Variants in C5orf63 observed in about 807,000 individuals in gnomAD.
C5orf63 encodes chromosome 5 open reading frame 63.
A neutral mutation model predicts 13.3 loss-of-function variants in C5orf63; 18 were observed. That is an observed-to-expected ratio of 1.36 (90% CI 0.94 to 2.01). C5orf63 has a LOEUF of 2.01. Ranked by LOEUF, C5orf63 falls within the 30% of genes most tolerant of loss-of-function variation. The pLI is 0.00. For missense variants in C5orf63, 118 were observed against 127.7 expected, an observed-to-expected ratio of 0.92 and a Z score of 0.36; for synonymous variants, 38 against 44.7, an observed-to-expected ratio of 0.85 and a Z score of 0.60.
chr5:127,069,452 AACCATCC>A (rs1326226959), intron 2 of C5orf63, among the ~76,000 whole-genome samples: 1 of 152,198 alleles, frequency 6.6e-6, no homozygotes, highest in Non-Finnish European at 1.5e-5. Flanking sequence ...GCAATTCAAA[AACCATCC>A]ACCCAGGCAA....
At chr5:127,052,472 ACT>A (rs1037679481) in intron 4 of C5orf63, 139 bp downstream of exon 4, 6 of 576,824 alleles carry the variant, frequency 1.0e-5, no homozygotes, top group Non-Finnish European at 1.6e-5. Context: ...TAAGCACTAA[ACT>A]CTCTCTCTGA....
At chr5:127,070,307 A>T (rs777427168) in intron 2 of C5orf63, among the ~76,000 whole-genome samples, 1 of 152,274 alleles carries the variant, frequency 6.6e-6, no homozygotes, top group South Asian at 2.1e-4. Context: ...AAAGAGTTTT[A>T]AAAAAATCAA....
Position 127,051,623 on chromosome 5 carries a change from A to G in C5orf63, c.*148T>C. 7.8e-7 allele frequency: 1 copy of G among 1,287,620 alleles called. No individual in the cohort carries two copies. The highest frequency in any genetic ancestry group is 9.8e-7 in the Non-Finnish European group (1 of 1,019,280). 79.8% of individuals were successfully genotyped at this position (1,287,620 alleles called of 1,614,324 possible). On this transcript the variant is annotated 3_prime_UTR_variant, in exon 5 of 5. Transcript: ENST00000296662. ...CCACACTGATACTTCCATCAACCAA[A>G]AGGGGAATGTCAACATTTATTTGGC...
chr5:127,048,541 A>G (rs1036484461), downstream of C5orf63, among the ~76,000 whole-genome samples: 1 of 151,880 alleles, frequency 6.6e-6, no homozygotes, highest in East Asian at 1.9e-4. Context: ...TTATTTTTAA[A>G]AAACTCCTCC....
At chr5:127,053,030 C>T (rs887092133) in intron 3 of C5orf63, among the ~76,000 whole-genome samples, 1 of 152,152 alleles carries the variant, frequency 6.6e-6, no homozygotes, top group African/African-American at 2.4e-5. Context: ...ATACAGTTGG[C>T]CTGGCTGACA....
intron 2 of C5orf63, among the ~76,000 whole-genome samples, chr5:127,062,524 G>A (rs1295125279): frequency 4.9e-4 from 74 of 152,110 alleles, no homozygotes. Flanking sequence ...TAGGCAGATA[G>A]TATGCTAAAA....
intron 3 of C5orf63, among the ~76,000 whole-genome samples, 175 bp from the exon 4 acceptor site, chr5:127,052,844 T>C (rs1192383817): frequency 1.3e-5 from 2 of 152,262 alleles, no homozygotes; most frequent in Non-Finnish European, 2.9e-5. Context: ...TAGAATCTTA[T>C]AAATAACTAA....
chr5:127,056,063 C>T (rs145478096), intron 3 of C5orf63, among the ~76,000 whole-genome samples: 8 of 152,288 alleles, frequency 5.3e-5, no homozygotes, highest in African/African-American at 1.9e-4. Flanking sequence ...TGGCTGTCCA[C>T]CACCCACTTC....
exon 5 of C5orf63, chr5:127,046,245 C>T (rs750271371): frequency 6.6e-6 from 1 of 152,188 alleles, no homozygotes; most frequent in Non-Finnish European, 1.5e-5. Flanking sequence ...CATTCTCTGC[C>T]TCAGGGAATA....
chr5:127,057,900 A>G (rs1300766187), intron 3 of C5orf63, among the ~76,000 whole-genome samples: 1 of 152,230 alleles, frequency 6.6e-6, no homozygotes, highest in Non-Finnish European at 1.5e-5. Context: ...CCTAAGCACA[A>G]GAAGACTGTG....
intron 2 of C5orf63, among the ~76,000 whole-genome samples, chr5:127,069,479 T>C (rs938110221): frequency 9.2e-5 from 14 of 152,352 alleles, no homozygotes; most frequent in African/African-American, 3.4e-4. Flanking sequence ...ATGTCTTCTC[T>C]TTGTCCCTAA....
chr5:127,070,237 C>G (rs1754486461), intron 2 of C5orf63, among the ~76,000 whole-genome samples: 1 of 152,088 alleles, frequency 6.6e-6, no homozygotes, highest in Non-Finnish European at 1.5e-5. Flanking sequence ...ACTGAGTTTT[C>G]TATTAAATAA....
intron 2 of C5orf63, among the ~76,000 whole-genome samples, chr5:127,068,038 G>A (rs2126900981): frequency 6.6e-6 from 1 of 152,166 alleles, no homozygotes; most frequent in East Asian, 1.9e-4. Flanking sequence ...TTTAGGTGAG[G>A]ATTTCATAAA....
At chr5:127,052,462 T>C in intron 4 of C5orf63, 151 bp downstream of exon 4, 1 of 512,536 alleles carries the variant, frequency 2.0e-6, no homozygotes. Flanking sequence ...TTTATGGTAA[T>C]AAGCACTAAA....
chr5:127,065,776 G>A (rs1042152407), intron 2 of C5orf63, among the ~76,000 whole-genome samples: 1 of 152,190 alleles, frequency 6.6e-6, no homozygotes, highest in Non-Finnish European at 1.5e-5. Flanking sequence ...AAGGAGAATG[G>A]AGGTGGGAAA....
chr5:127,050,401 A>C (rs1753633769), downstream of C5orf63, among the ~76,000 whole-genome samples: 2 of 151,960 alleles, frequency 1.3e-5, no homozygotes, highest in African/African-American at 4.8e-5. Flanking sequence ...GGCTGGACTC[A>C]AACTTCTGGG....
intron 3 of C5orf63, chr5:127,058,650 T>G: frequency 4.4e-6 from 2 of 452,974 alleles, no homozygotes; most frequent in East Asian, 7.4e-5. Flanking sequence ...CTATACTTCA[T>G]TTTTTTCAAT....
At chr5:127,052,561 C>T in intron 4 of C5orf63, 52 bp downstream of exon 4, 7 of 1,235,566 alleles carry the variant, frequency 5.7e-6, no homozygotes, top group Non-Finnish European at 7.4e-6. Context: ...ATACTTTATA[C>T]CACATCTAAT....
At chr5:127,065,521 G>C (rs1297803952) in intron 2 of C5orf63, among the ~76,000 whole-genome samples, 1 of 152,190 alleles carries the variant, frequency 6.6e-6, no homozygotes, top group African/African-American at 2.4e-5. Context: ...AGGTAGGAAT[G>C]ACATGGCTAT....
Sources: allele counts gnomAD v4.1 joint callset (sites outside exome capture counted in the v4.1 genomes callset), GRCh38; gene constraint gnomAD v4.1.1; transcripts MANE v1.5; gene names NCBI Gene and HGNC (gene_info 2026-07-23, HGNC 2026-07-21).